CDC42BPA: variants seen among roughly 807,000 people sequenced by gnomAD.
CDC42BPA encodes serine/threonine-protein kinase MRCK alpha.
CDC42BPA carries 80 observed loss-of-function variants against 223.5 expected under a neutral mutation model. The observed-to-expected ratio is 0.36, with a 90% CI of 0.30 to 0.43. CDC42BPA has a LOEUF of 0.43. Among genes scored for constraint, CDC42BPA ranks in the 20% least tolerant of loss-of-function variants. The pLI is 1.00. For missense variants in CDC42BPA, 1,743 were observed against 2,099.9 expected, an observed-to-expected ratio of 0.83 and a Z score of 3.32; for synonymous variants, 694 against 718.6, an observed-to-expected ratio of 0.97 and a Z score of 0.55.
intron 1 of CDC42BPA, among the ~76,000 whole-genome samples, chr1:227,275,268 A>G (rs1558930237): frequency 1.0e-5 from 1 of 95,826 alleles, no homozygotes; most frequent in Non-Finnish European, 2.2e-5. Flanking sequence ...AGAATGGAAT[A>G]ATAATAAAAA....
intron 20 of CDC42BPA, among the ~76,000 whole-genome samples, chr1:227,070,690 T>C (rs1322139178): frequency 1.3e-5 from 2 of 151,764 alleles, no homozygotes; most frequent in African/African-American, 4.8e-5. Flanking sequence ...TAATAGTAAA[T>C]GAAGCATTAA....
intron 3 of CDC42BPA, among the ~76,000 whole-genome samples, chr1:227,209,004 C>T: frequency 6.6e-6 from 1 of 151,680 alleles, no homozygotes; most frequent in Non-Finnish European, 1.5e-5. Flanking sequence ...AATGTTCTTC[C>T]ATTTGTTTGT....
intron 21 of CDC42BPA, among the ~76,000 whole-genome samples, chr1:227,063,280 T>C (rs1359163452): frequency 2.0e-5 from 3 of 152,090 alleles, no homozygotes; most frequent in Non-Finnish European, 4.4e-5. Flanking sequence ...TGCAACCAAA[T>C]ACCACTTTAA....
intron 31 of CDC42BPA, 36 bp downstream of exon 31, chr1:227,026,019 T>C (rs1668182252): frequency 9.0e-7 from 1 of 1,114,080 alleles, no homozygotes; most frequent in Non-Finnish European, 1.4e-6. Context: ...TCACTTATAC[T>C]CAGTTGGCTT....
At chr1:227,138,570 A>G (rs897129466) in intron 10 of CDC42BPA, among the ~76,000 whole-genome samples, 3 of 151,368 alleles carry the variant, frequency 2.0e-5, no homozygotes, top group African/African-American at 7.3e-5. Flanking sequence ...AAAGGTCCAT[A>G]GGGTCAAATA....
intron 24 of CDC42BPA, 122 bp downstream of exon 24, chr1:227,040,009 C>T (rs541520607): frequency 4.3e-6 from 3 of 690,448 alleles, no homozygotes; most frequent in South Asian, 3.3e-5. Flanking sequence ...ATTTCCATTC[C>T]TGTTATGCAA....
chr1:227,221,598 T>C (rs545095962), intron 2 of CDC42BPA, among the ~76,000 whole-genome samples: 133 of 58,816 alleles, frequency 2.3e-3, no homozygotes, highest in Non-Finnish European at 3.0e-3. Context: ...AGAAAAATAA[T>C]AGGCTTTTTT....
intron 2 of CDC42BPA, among the ~76,000 whole-genome samples, chr1:227,225,770 T>C (rs1367508057): frequency 6.8e-6 from 1 of 147,030 alleles, no homozygotes; most frequent in African/African-American, 2.5e-5. Context: ...CAAATACATT[T>C]AGTGAAGCAG....
In CDC42BPA at chr1:227,028,920, A is replaced by G; in HGVS notation, c.4169T>C (p.Phe1390Ser). The G allele has an allele frequency of 6.2e-7, 1 of 1,614,154 alleles. No individual in the cohort carries two copies. The highest frequency in any genetic ancestry group is 2.2e-5 in the East Asian group (1 of 44,894). ...GAATCCCACACAGAGTTGTTCACTG[A>G]AGATTGCCATCCACTGGACATTATA... ...VPYNVQWMAI[F>S]SEQLCVGFQS... Residue 1390 changes from phenylalanine to serine, a missense_variant, in exon 30 of 37, where the codon TTC (phenylalanine) becomes TCC (serine). Transcript: ENST00000366766.
At chr1:227,276,809 T>C (rs1334746259) in intron 1 of CDC42BPA, among the ~76,000 whole-genome samples, 1 of 152,146 alleles carries the variant, frequency 6.6e-6, no homozygotes, top group Non-Finnish European at 1.5e-5. Context: ...ATGTGCTGTG[T>C]CCACTCAGGG....
At chr1:227,283,399 T>C (rs1042890483) in intron 1 of CDC42BPA, among the ~76,000 whole-genome samples, 7 of 152,194 alleles carry the variant, frequency 4.6e-5, no homozygotes, top group Admixed American at 3.9e-4. Flanking sequence ...GAAAATACTA[T>C]GATAATATTT....
At chr1:227,199,499 A>AC in intron 4 of CDC42BPA, 58 bp downstream of exon 4, 1 of 977,430 alleles carries the variant, frequency 1.0e-6, no homozygotes, top group Non-Finnish European at 1.6e-6. Context: ...TTAAATAAAA[A>AC]TAATGCTAAT....
At chr1:227,159,983 A>G (rs1053066716) in intron 6 of CDC42BPA, among the ~76,000 whole-genome samples, 1 of 152,156 alleles carries the variant, frequency 6.6e-6, no homozygotes, top group African/African-American at 2.4e-5. Flanking sequence ...AGCTGGGACT[A>G]CAGGCACGCA....
chr1:226,998,541 G>T (rs1662098611), intron 35 of CDC42BPA, among the ~76,000 whole-genome samples: 1 of 152,152 alleles, frequency 6.6e-6, no homozygotes. Context: ...ACAAGCAACG[G>T]GGAAAGGATT....
At chr1:227,209,091 C>T (rs957061313) in intron 3 of CDC42BPA, among the ~76,000 whole-genome samples, 8 of 147,264 alleles carry the variant, frequency 5.4e-5, no homozygotes, top group Admixed American at 1.4e-4. Flanking sequence ...AAGTTGGATT[C>T]CTAGGTATTT....
intron 34 of CDC42BPA, 46 bp downstream of exon 34, chr1:227,016,034 C>G (rs747580031): frequency 5.3e-6 from 5 of 943,242 alleles, no homozygotes; most frequent in Non-Finnish European, 8.6e-6. Context: ...TATTTATACT[C>G]CCCCCACACC....
Position 226,994,583 on chromosome 1 carries a change from T to C in CDC42BPA, c.5134-184A>G, listed in dbSNP as rs535022022. ...GCACGGAACATACAAGCTCCGTCCTTTCTGTAGGCCTTTACAGATGATGGT... is the reference window on the plus strand; with the variant it reads ...GCACGGAACATACAAGCTCCGTCCTCTCTGTAGGCCTTTACAGATGATGGT... On this transcript the variant is annotated intron_variant, in intron 36 of 36. Transcript: ENST00000366766. This position sits in a 1 kb window ranked among gnomAD's most constrained non-coding sequence, Gnocchi z 4.0. 6.6e-6 allele frequency among the ~76,000 whole-genome samples: 1 copy of C among 152,282 alleles called. No homozygotes were observed. Among genetic ancestry groups the C allele is most frequent in the East Asian group, 1.9e-4 (1 of 5,190 alleles).
At chr1:227,009,749 T>A (rs1224460940) in intron 34 of CDC42BPA, among the ~76,000 whole-genome samples, 1 of 152,172 alleles carries the variant, frequency 6.6e-6, no homozygotes, top group African/African-American at 2.4e-5. Context: ...AAAATTCCTC[T>A]GGAATCCACT....
intron 1 of CDC42BPA, among the ~76,000 whole-genome samples, chr1:227,285,550 T>TC (rs1375764493): frequency 6.6e-6 from 1 of 152,186 alleles, no homozygotes; most frequent in Non-Finnish European, 1.5e-5. Flanking sequence ...GGTAATGGCG[T>TC]CCCATAAGAG....
Sources: allele counts gnomAD v4.1 joint callset (sites outside exome capture counted in the v4.1 genomes callset), GRCh38; gene constraint gnomAD v4.1.1; non-coding constraint Gnocchi (gnomAD v3.1); transcripts MANE v1.5; gene names NCBI Gene and HGNC (gene_info 2026-07-23, HGNC 2026-07-21).